Variants in ADCY2 observed in about 807,000 individuals in gnomAD.
ADCY2 encodes the protein adenylate cyclase 2.
A neutral mutation model predicts 125.2 loss-of-function variants in ADCY2; 31 were observed. That is an observed-to-expected ratio of 0.25 (90% CI 0.19 to 0.33). The LOEUF is 0.33. ADCY2 is among the 10% of genes least tolerant of loss of function. The pLI is 1.00. For synonymous variants in ADCY2, 512 were observed against 548.4 expected (o/e 0.93, Z 0.93); for missense variants, 904 against 1,418.2 (o/e 0.64, Z 5.82).
intron 14 of ADCY2, among the ~76,000 whole-genome samples, chr5:7,742,997 A>G (rs1579380658): frequency 6.6e-6 from 1 of 151,272 alleles, no homozygotes; most frequent in South Asian, 2.1e-4. Flanking sequence ...GAATTATTTA[A>G]TTATTTAAGG....
At chr5:7,814,649 C>CT (rs143222215) in intron 22 of ADCY2, among the ~76,000 whole-genome samples, 3,124 of 152,250 alleles carry the variant, frequency 0.021, 69 homozygotes, top group African/African-American at 0.052. Flanking sequence ...TTAGTAGCAG[C>CT]TTTTCTCTAC....
At chr5:7,477,360 T>C (rs947831753) in intron 2 of ADCY2, among the ~76,000 whole-genome samples, 3 of 152,254 alleles carry the variant, frequency 2.0e-5, no homozygotes, top group Non-Finnish European at 4.4e-5. Context: ...CTGCATATTC[T>C]GGAACTGTCA....
At chr5:7,752,130 A>C (rs1742847152) in intron 15 of ADCY2, among the ~76,000 whole-genome samples, 1 of 152,190 alleles carries the variant, frequency 6.6e-6, no homozygotes, top group Admixed American at 6.5e-5. Flanking sequence ...CCCAGGGCGA[A>C]AAGAAGAAAC....
At chr5:7,565,589 C>A (rs1735864379) in intron 3 of ADCY2, among the ~76,000 whole-genome samples, 1 of 152,218 alleles carries the variant, frequency 6.6e-6, no homozygotes, top group African/African-American at 2.4e-5. Context: ...CATGCTCACA[C>A]AATTGTAGTT....
chr5:7,813,659 A>T (rs534173680), intron 22 of ADCY2, among the ~76,000 whole-genome samples: 1 of 152,294 alleles, frequency 6.6e-6, no homozygotes, highest in East Asian at 1.9e-4. Flanking sequence ...ACTGAACATA[A>T]TTTTTTCTAG....
chr5:7,439,516 A>C (rs1030178162), intron 2 of ADCY2, among the ~76,000 whole-genome samples: 5 of 122,874 alleles, frequency 4.1e-5, no homozygotes, highest in Non-Finnish European at 6.7e-5. Flanking sequence ...GACATAGCCA[A>C]ATTGGGTTAA....
intron 16 of ADCY2, among the ~76,000 whole-genome samples, chr5:7,761,480 T>C (rs572642270): frequency 3.7e-4 from 57 of 152,290 alleles, no homozygotes; most frequent in African/African-American, 8.7e-4. Context: ...CATCAATAGA[T>C]AGATTGTTTC....
At chr5:7,712,969 C>A in intron 11 of ADCY2, 70 bp downstream of exon 11, 1 of 1,185,676 alleles carries the variant, frequency 8.4e-7, no homozygotes, top group Non-Finnish European at 1.2e-6. Context: ...TAATTATCAT[C>A]AATTATGGTA....
At chr5:7,675,924 G>A (rs1260632705) in intron 4 of ADCY2, among the ~76,000 whole-genome samples, 2 of 152,206 alleles carry the variant, frequency 1.3e-5, no homozygotes, top group African/African-American at 4.8e-5. Flanking sequence ...ACTAGCGAGT[G>A]TATAGTTTTC....
chr5:7,794,460 G>C (rs1744361570), intron 20 of ADCY2: 1 of 152,176 alleles, frequency 6.6e-6, no homozygotes, highest in African/African-American at 2.4e-5. Context: ...GGAGATTCTG[G>C]AGGCTTCAGT....
At chr5:7,612,652 G>A (rs186209080) in intron 3 of ADCY2, among the ~76,000 whole-genome samples, 24 of 152,318 alleles carry the variant, frequency 1.6e-4, no homozygotes, top group Admixed American at 1.4e-3. Context: ...GAAGATGGGA[G>A]TGAAGGGTGA....
intron 22 of ADCY2, among the ~76,000 whole-genome samples, chr5:7,811,635 A>G (rs146236175): frequency 5.2e-4 from 79 of 152,296 alleles, no homozygotes; most frequent in African/African-American, 1.9e-3. Context: ...AACAAATCCA[A>G]TGGCAGGCCT....
intron 2 of ADCY2, among the ~76,000 whole-genome samples, chr5:7,489,728 C>CA (rs1310160432): frequency 6.6e-6 from 1 of 152,166 alleles, no homozygotes; most frequent in Non-Finnish European, 1.5e-5. Flanking sequence ...GGAGGAGGGA[C>CA]ATTTGGACTG....
At chr5:7,660,239 A>AGAAGGAAGGAAGGAAG (rs59646942) in intron 4 of ADCY2, among the ~76,000 whole-genome samples, 1,492 of 101,312 alleles carry the variant, frequency 0.015, 29 homozygotes, top group South Asian at 0.034. Flanking sequence ...AGGGAGGGAG[A>AGAAGGAAGGAAGGAAG]GAAGGAAGGA....
At chr5:7,507,920 G>A (rs977145555) in intron 2 of ADCY2, among the ~76,000 whole-genome samples, 1 of 151,134 alleles carries the variant, frequency 6.6e-6, no homozygotes, top group African/African-American at 2.4e-5. Flanking sequence ...TTTCCCAATT[G>A]TAAAATTAAA....
At chr5:7,500,630 A>G (rs1743526478) in intron 2 of ADCY2, among the ~76,000 whole-genome samples, 1 of 152,216 alleles carries the variant, frequency 6.6e-6, no homozygotes, top group Non-Finnish European at 1.5e-5. Context: ...TCTACAAAAT[A>G]CCTTATTAGT....
intron 13 of ADCY2, among the ~76,000 whole-genome samples, chr5:7,726,343 CCA>C (rs1741930893): frequency 6.6e-6 from 1 of 152,166 alleles, no homozygotes; most frequent in African/African-American, 2.4e-5. Flanking sequence ...TTGTTCCAGT[CCA>C]CAGTTTCTTC....
At chr5:7,461,439 C>G (rs1741915006) in intron 2 of ADCY2, among the ~76,000 whole-genome samples, 1 of 152,158 alleles carries the variant, frequency 6.6e-6, no homozygotes, top group South Asian at 2.1e-4. Context: ...CATCAAATCC[C>G]AATATTTTAG....
chr5:7,439,913 TC>T (rs35755966), intron 2 of ADCY2, among the ~76,000 whole-genome samples: 113,377 of 151,754 alleles, frequency 0.75, 42,827 homozygotes, highest in Non-Finnish European at 0.81. Flanking sequence ...GGTGAAGAAT[TC>T]CGGGGGTGAG....
Sources: gnomAD v4.1 joint callset for allele counts (sites outside exome capture counted in the v4.1 genomes callset) on GRCh38, gnomAD v4.1.1 for gene constraint, MANE v1.5 for transcripts, NCBI Gene and HGNC (gene_info 2026-07-23, HGNC 2026-07-21) for gene names.